The following FYB1 variants were observed in gnomAD, a reference collection of about 807,000 sequenced individuals.
FYB1 encodes the protein FYN-binding protein 1.
FYB1 carries 41 observed loss-of-function variants against 94.1 expected under a neutral mutation model. The observed-to-expected ratio is 0.44, with a 90% CI of 0.34 to 0.57. The LOEUF (loss-of-function observed/expected upper bound fraction) is 0.57. Among genes scored for constraint, FYB1 ranks in the 20% least tolerant of loss-of-function variants. The pLI is 0.02. For synonymous variants in FYB1, 367 were observed against 353.2 expected (o/e 1.04, Z -0.44); for missense variants, 1,050 against 976.8 (o/e 1.07, Z -1.00).
intron 1 of FYB1, among the ~76,000 whole-genome samples, chr5:39,262,475 C>T (rs1446699317): frequency 2.0e-5 from 3 of 152,118 alleles, no homozygotes; most frequent in African/African-American, 4.8e-5. Context: ...TGTCAAAACT[C>T]TATCAATAAA....
At chr5:39,169,620 GGATT>G in intron 2 of FYB1, 1 of 448,246 alleles carries the variant, frequency 2.2e-6, no homozygotes, top group South Asian at 1.7e-5. Context: ...CGAGGCGGGT[GGATT>G]ACCTGAGGTC....
At chr5:39,262,317 T>TA (rs1476579631) in intron 1 of FYB1, among the ~76,000 whole-genome samples, 1 of 152,096 alleles carries the variant, frequency 6.6e-6, no homozygotes, top group East Asian at 1.9e-4. Flanking sequence ...AAAAAATCTA[T>TA]AAAAAATGGA....
chr5:39,262,787 A>G (rs1752277487), intron 1 of FYB1, among the ~76,000 whole-genome samples: 1 of 152,218 alleles, frequency 6.6e-6, no homozygotes, highest in African/African-American at 2.4e-5. Flanking sequence ...AGAGTGAAAG[A>G]AGGCAAAGTG....
intron 2 of FYB1, among the ~76,000 whole-genome samples, chr5:39,187,227 C>T (rs1746912541): frequency 6.6e-6 from 1 of 152,158 alleles, no homozygotes; most frequent in African/African-American, 2.4e-5. Context: ...ATCAGTGCCA[C>T]ATTCATCCTC....
At chr5:39,111,501 T>G (rs16868116) in intron 16 of FYB1, among the ~76,000 whole-genome samples, 2,609 of 151,884 alleles carry the variant, frequency 0.017, 72 homozygotes, top group African/African-American at 0.06. Flanking sequence ...TTTTTAAAAG[T>G]TGGAATCATA....
At chr5:39,108,287 A>C in intron 17 of FYB1, 25 bp from the exon 18 acceptor site, 3 of 1,506,730 alleles carry the variant, frequency 2.0e-6, no homozygotes, top group Non-Finnish European at 2.7e-6. Flanking sequence ...AAAAATTTTT[A>C]TTTTAAAGAA....
chr5:39,262,839 G>A (rs908031497), intron 1 of FYB1, among the ~76,000 whole-genome samples: 20 of 152,086 alleles, frequency 1.3e-4, no homozygotes, highest in African/African-American at 4.1e-4. Flanking sequence ...AATACTATAT[G>A]TTTGGAGATA....
chr5:39,176,118 C>T (rs1323493195), intron 2 of FYB1, among the ~76,000 whole-genome samples: 1 of 144,892 alleles, frequency 6.9e-6, no homozygotes, highest in Admixed American at 7.0e-5. Context: ...TTCAGAGAAT[C>T]CCAAGTCATT....
At chr5:39,162,516 C>A (rs947802140) in intron 2 of FYB1, among the ~76,000 whole-genome samples, 12 of 152,084 alleles carry the variant, frequency 7.9e-5, no homozygotes, top group African/African-American at 2.7e-4. Flanking sequence ...GAAACCCCGT[C>A]TCTACTAAAA....
chr5:39,219,603 T>C (rs1750139485), upstream of FYB1: 1 of 985,138 alleles, frequency 1.0e-6, no homozygotes, highest in Admixed American at 6.1e-5. Flanking sequence ...TCCCGGTCAG[T>C]GGTTGAGTGA....
chr5:39,194,862 C>T (rs936836380), intron 2 of FYB1, among the ~76,000 whole-genome samples: 5 of 152,082 alleles, frequency 3.3e-5, no homozygotes, highest in Admixed American at 2.0e-4. Flanking sequence ...AGGAAGAAGC[C>T]CTGGAGGTCT....
chr5:39,167,676 C>T (rs1166634107), intron 2 of FYB1, among the ~76,000 whole-genome samples: 1 of 150,432 alleles, frequency 6.6e-6, no homozygotes, highest in African/African-American at 2.5e-5. Context: ...TTCTGTGTAA[C>T]TGCAGGGCAG....
At chr5:39,212,628 A>C (rs1749497730) in intron 1 of FYB1, 2 of 152,216 alleles carry the variant, frequency 1.3e-5, no homozygotes, top group Non-Finnish European at 1.5e-5. Context: ...ACTTTTTCTG[A>C]TAACTGCACA....
chr5:39,207,549 G>T (rs1258480808), intron 1 of FYB1, among the ~76,000 whole-genome samples: 2 of 152,172 alleles, frequency 1.3e-5, no homozygotes, highest in Non-Finnish European at 2.9e-5. Context: ...ACAGTTAAAG[G>T]CTGAGATGGC....
At chr5:39,170,936 C>T (rs1007162775) in intron 2 of FYB1, among the ~76,000 whole-genome samples, 5 of 152,154 alleles carry the variant, frequency 3.3e-5, no homozygotes, top group East Asian at 1.9e-4. Flanking sequence ...CTGATCAGAA[C>T]GCTCCTTTCC....
At chr5:39,250,275 G>A (rs138978083) in intron 1 of FYB1, among the ~76,000 whole-genome samples, 2 of 152,330 alleles carry the variant, frequency 1.3e-5, no homozygotes, top group East Asian at 3.9e-4. Context: ...GGCAGAGTGA[G>A]AGAGGGGCAA....
At chr5:39,249,674 A>G (rs757892313) in intron 1 of FYB1, among the ~76,000 whole-genome samples, 1 of 152,162 alleles carries the variant, frequency 6.6e-6, no homozygotes, top group Non-Finnish European at 1.5e-5. Context: ...AGAGAAAATG[A>G]TGTGTATGTG....
Position 39,202,890 on chromosome 5 carries a change from G to T in FYB1, c.71C>A (p.Thr24Lys). The part of the protein sequence containing the change: ...VSVNSRPFRV[T>K]GPNSSSGIQA... ...TATTCCTGAAGATGAGTTTGGCCCTGTGACTCTGAAGGGTCGGCTATTGAC... is the reference window on the plus strand; with the variant it reads ...TATTCCTGAAGATGAGTTTGGCCCTTTGACTCTGAAGGGTCGGCTATTGAC... The change falls in exon 2 of 19, where the codon ACA (threonine) becomes AAA (lysine). Residue 24 changes from threonine (T) to lysine (K), a missense_variant. Coordinates refer to ENST00000512982, the MANE Select transcript of FYB1 (RefSeq NM_001465.6). 1.2e-6 allele frequency: 2 copies of T among 1,613,984 alleles called. No individual in the cohort carries two copies. The highest frequency in any genetic ancestry group is 1.1e-5 in the South Asian group (1 of 91,086).
At chr5:39,174,370 A>G (rs1213039349) in intron 2 of FYB1, among the ~76,000 whole-genome samples, 1 of 152,202 alleles carries the variant, frequency 6.6e-6, no homozygotes, top group Non-Finnish European at 1.5e-5. Flanking sequence ...CTAGAGATAG[A>G]ACCATAAAAC....
Sources: gnomAD v4.1 joint callset for allele counts (sites outside exome capture counted in the v4.1 genomes callset) on GRCh38, gnomAD v4.1.1 for gene constraint, MANE v1.5 for transcripts, NCBI Gene and HGNC (gene_info 2026-07-23, HGNC 2026-07-21) for gene names.